ZNF197: variants seen among roughly 807,000 people sequenced by gnomAD.
ZNF197 encodes VHL-associated KRAB-A domain-containing protein.
A neutral mutation model predicts 27.4 loss-of-function variants in ZNF197; 14 were observed. That is an observed-to-expected ratio of 0.51 (90% CI 0.34 to 0.80). The LOEUF (loss-of-function observed/expected upper bound fraction) is 0.80. Among genes scored for constraint, ZNF197 ranks in the 30% least tolerant of loss-of-function variants. The pLI, the probability that ZNF197 is intolerant of heterozygous loss-of-function variation, is 0.02. For synonymous variants in ZNF197, 415 were observed against 420.0 expected, an observed-to-expected ratio of 0.99 and a Z score of 0.15; for missense variants, 1,090 against 1,222.6, an observed-to-expected ratio of 0.89 and a Z score of 1.62.
At position 44,646,363 on chromosome 3, in the gene ZNF197, T is replaced by C; in HGVS notation, c.*2143T>C. The C allele has an allele frequency of 6.5e-7, 1 of 1,542,164 alleles. No homozygotes were observed. The highest frequency in any genetic ancestry group is 8.7e-7 in the Non-Finnish European group (1 of 1,145,046). On this transcript the variant is annotated 3_prime_UTR_variant, in exon 6 of 6. Transcript: ENST00000344387. ...ATGGAGAATGCTGTGATTTACCTCT[T>C]CACCGAGTAACAAAATGTCACATTG...
Position 44,642,402 on chromosome 3 carries a change from A to AC in ZNF197, c.1274dup (p.Tyr426LeufsTer2). 1 of 1,614,106 alleles carries AC rather than the reference A, an allele frequency of 6.2e-7. No homozygotes were observed. Among genetic ancestry groups the AC allele is most frequent in the East Asian group, 2.2e-5 (1 of 44,872 alleles). ...ATTTACGGAACCATTCAGGGGAGAA[A>AC]CCTTATAAATGTAATGAATGTGGGA... On this transcript the variant is annotated frameshift_variant, in exon 6 of 6. Transcript: ENST00000344387. LOFTEE classifies it low-confidence loss of function (END_TRUNC).
rs149844336 is a variant in ZNF197 at position 44,645,456 on chromosome 3, C to G, written c.*1236C>G. Reference sequence around the variant, plus strand: ...CCTTTAAAAATATCTGAGGGAGTTACTAGATTATATATCTAGTTTATGTAT... The same window carrying G: ...CCTTTAAAAATATCTGAGGGAGTTAGTAGATTATATATCTAGTTTATGTAT... On this transcript the variant is annotated 3_prime_UTR_variant, in exon 6 of 6. Coordinates refer to ENST00000344387, the MANE Select transcript of ZNF197 (RefSeq NM_006991.5). 2.0e-6 allele frequency: 2 copies of G among 984,898 alleles called. No individual in the cohort carries two copies. Among genetic ancestry groups the G allele is most frequent in the Non-Finnish European group, 2.4e-6 (2 of 829,738 alleles). 61.0% of individuals were successfully genotyped at this position (984,898 alleles called of 1,614,324 possible).
chr3:44,630,978 G>T lies in ZNF197; in HGVS notation c.391-84G>T, dbSNP rs748023100. On this transcript the variant is annotated intron_variant, in intron 2 of 5. Transcript: ENST00000344387. ...CTCTCTGATCTCACAGTTGTAGATT[G>T]TGGGCAGAAAGAGGTCCACAGTGCT... The T allele has an allele frequency of 8.3e-6, 13 of 1,573,002 alleles. No individual in the cohort carries two copies. In the Admixed American group the frequency reaches 2.2e-4, roughly 26 times the overall value.
chr3:44,642,629 A>C lies in ZNF197; in HGVS notation c.1499A>C (p.His500Pro), dbSNP rs1434765114. 1.9e-6 allele frequency: 3 copies of C among 1,614,008 alleles called. No individual in the cohort carries two copies. Among genetic ancestry groups the C allele is most frequent in the Non-Finnish European group, 1.7e-6 (2 of 1,180,036 alleles). Residue 500 changes from histidine to proline, a missense_variant, in exon 6 of 6, where the codon CAT becomes CCT. By Grantham distance (77) the His-to-Pro change is moderately conservative (BLOSUM62 -2). Coordinates refer to ENST00000344387, the MANE Select transcript of ZNF197 (RefSeq NM_006991.5). ...VFSQNAYLID[H>P]QRLHKGEEPY... ...TCTCAGAATGCTTACCTCATTGACCATCAGAGGCTCCACAAAGGGGAAGAA... is the reference window on the plus strand; with the variant it reads ...TCTCAGAATGCTTACCTCATTGACCCTCAGAGGCTCCACAAAGGGGAAGAA...
chr3:44,628,297 A>G (rs1701785453), intron 1 of ZNF197, among the ~76,000 whole-genome samples: 1 of 152,232 alleles, frequency 6.6e-6, no homozygotes, highest in Admixed American at 6.5e-5. Flanking sequence ...ATTTCTAAAG[A>G]GCAGATGATT....
chr3:44,628,765 G>A (rs914799423), intron 1 of ZNF197, among the ~76,000 whole-genome samples: 7 of 152,200 alleles, frequency 4.6e-5, no homozygotes, highest in Non-Finnish European at 1.0e-4. Context: ...AGGTTACACA[G>A]GAGTAGTCAG....
chr3:44,643,158 T>C lies in ZNF197; in HGVS notation c.2028T>C (p.Asn676=), dbSNP rs368750140. 2 of 1,611,536 alleles carry C rather than the reference T, an allele frequency of 1.2e-6. No homozygotes were observed. The highest frequency in any genetic ancestry group is 2.7e-5 in the African/African-American group (2 of 74,404). Residue 676 remains asparagine, a synonymous_variant, in exon 6 of 6, where the codon AAT becomes AAC. Coordinates refer to ENST00000344387, the MANE Select transcript of ZNF197 (RefSeq NM_006991.5). ...ILHQRFHTGE[N]LYECKDCGKV... is the part of the protein sequence containing the mutation. ...ATCAAAGGTTCCACACTGGAGAGAA[T>C]CTCTATGAATGTAAAGATTGTGGTA...
intron 1 of ZNF197, among the ~76,000 whole-genome samples, chr3:44,627,861 A>T (rs566079223): frequency 6.6e-6 from 1 of 151,078 alleles, no homozygotes; most frequent in African/African-American, 2.4e-5. Flanking sequence ...ATTTCCTTTC[A>T]TGAATCCTTT....
intron 2 of ZNF197, among the ~76,000 whole-genome samples, chr3:44,630,446 T>G (rs755625215): frequency 6.6e-6 from 1 of 152,230 alleles, no homozygotes; most frequent in Non-Finnish European, 1.5e-5. Flanking sequence ...TAGAAACATT[T>G]CTGTATAAGA....
chr3:44,631,549 C>T (rs529954177), intron 3 of ZNF197, among the ~76,000 whole-genome samples: 21 of 148,936 alleles, frequency 1.4e-4, no homozygotes, highest in African/African-American at 5.0e-4. Flanking sequence ...TACAGGTGCC[C>T]GCCACTGTGC....
chr3:44,630,779 T>G (rs1279463735), intron 2 of ZNF197: 1 of 568,332 alleles, frequency 1.8e-6, no homozygotes, highest in Non-Finnish European at 3.3e-6. Context: ...AATTACTGCT[T>G]ATTACTTCCC....
At position 44,646,849 on chromosome 3, in the gene ZNF197, G is replaced by C. The variant is rs189238568; in HGVS notation, c.*2629G>C. 6.5e-5 allele frequency: 18 copies of C among 276,436 alleles called. No homozygotes were observed. The highest frequency in any genetic ancestry group is 1.2e-4 in the Non-Finnish European group (18 of 146,176). The allele number at this position is 276,436 out of a possible 1,614,324, so 17.1% of individuals were successfully genotyped here. A position where few individuals can be genotyped will look rare whatever the true frequency, so the allele number is the denominator to read the frequency against. On this transcript the variant is annotated 3_prime_UTR_variant, in exon 6 of 6. Transcript: ENST00000344387. ...GGGGCAAAAGCAATTCAATGGAGGA[G>C]GGATCGCCTTTTCAGCAAATACTGT...
chr3:44,643,620 C>G lies in ZNF197; in HGVS notation c.2490C>G (p.Arg830=). The stretch of plus-strand genomic sequence containing the variant: ...ACTGTGGGAAGGTCTTCAGTTACCG[C>G]TCAAACCTTATAGCCCATCAGAGGA... ...CNDCGKVFSY[R]SNLIAHQRIH... Residue 830 remains arginine (R), a synonymous_variant, in exon 6 of 6, where the codon CGC becomes CGG. Transcript: ENST00000344387. 1 of 1,614,156 alleles carries G rather than the reference C, an allele frequency of 6.2e-7. No homozygotes were observed. Among genetic ancestry groups the G allele is most frequent in the South Asian group, 1.1e-5 (1 of 91,086 alleles).
rs754200992 is a variant in ZNF197, at chr3:44,632,475, G to A, written c.645G>A (p.Glu215=). 88 of 1,586,780 alleles carry A rather than the reference G, an allele frequency of 5.5e-5. No individual in the cohort carries two copies. The highest frequency in any genetic ancestry group is 7.3e-5 in the Non-Finnish European group (85 of 1,170,174). The change falls in exon 5 of 6, where the codon GAG becomes GAA. Residue 215 remains glutamate (E), a splice_region_variant and synonymous_variant. Transcript: ENST00000344387. ...CTCACACACACTTGTTATTTCAGGA[G>A]TTGGTGATGTTCGAGGAGGTGTCAG... ...ALMLLTAQPQ[E]LVMFEEVSVC...
Position 44,642,712 on chromosome 3 carries a change from C to A in ZNF197, c.1582C>A (p.His528Asn), listed in dbSNP as rs371807530. Residue 528 changes from histidine (H) to asparagine (N), a missense_variant, in exon 6 of 6, where the codon CAC (histidine) becomes AAC (asparagine). Physicochemically the swap from His to Asn is moderately conservative, Grantham distance 68 (BLOSUM62 1). Coordinates refer to ENST00000344387, the MANE Select transcript of ZNF197 (RefSeq NM_006991.5). ...AFILKKSLIL[H>N]QRIHSGEKPY... is the part of the protein sequence containing the mutation. ...CATTCTGAAGAAGAGCCTCATTCTG[C>A]ACCAGAGAATCCACTCTGGGGAAAA... 13 of 1,613,856 alleles carry A rather than the reference C, an allele frequency of 8.1e-6. No individual in the cohort carries two copies. Among genetic ancestry groups the A allele is most frequent in the Non-Finnish European group, 1.1e-5 (13 of 1,180,004 alleles).
chr3:44,643,788 T>C lies in ZNF197; in HGVS notation c.2658T>C (p.Ser886=). 1 of 1,613,942 alleles carries C rather than the reference T, an allele frequency of 6.2e-7. No individual in the cohort carries two copies. Among genetic ancestry groups the C allele is most frequent in the Non-Finnish European group, 8.5e-7 (1 of 1,180,020 alleles). ...TATGTAGGAAAGTCCTTACCTCTAG[T>C]AGAAATCTTATGGTACATCAAAGAA... is the stretch of plus-strand genomic sequence containing the variant. ...CHVCRKVLTS[S]RNLMVHQRIH... Residue 886 remains serine (S), a synonymous_variant, in exon 6 of 6, where the codon AGT becomes AGC. Transcript: ENST00000344387.
chr3:44,639,740 AAAG>A (rs914098017), intron 5 of ZNF197, among the ~76,000 whole-genome samples: 14 of 152,032 alleles, frequency 9.2e-5, no homozygotes, highest in African/African-American at 3.1e-4. Context: ...AGTGAGTTGG[AAAG>A]AAGAAGAGCA....
chr3:44,646,294 T>TC lies in ZNF197; in HGVS notation c.*2077dup. 1.0e-6 allele frequency: 1 copy of TC among 985,426 alleles called. No individual in the cohort carries two copies. The highest frequency in any genetic ancestry group is 1.2e-6 in the Non-Finnish European group (1 of 829,922). 61.0% of individuals were successfully genotyped at this position (985,426 alleles called of 1,614,324 possible). A position where few individuals can be genotyped will look rare whatever the true frequency, so the allele number is the denominator to read the frequency against. On this transcript the variant is annotated 3_prime_UTR_variant, in exon 6 of 6. Transcript: ENST00000344387. ...ATGTTTCATCCAGGTTGTTGAATCA[T>TC]CCCAGCTTATATAATAATTACAAAG... is the stretch of plus-strand genomic sequence containing the variant.
Position 44,643,753 on chromosome 3 carries a change from G to A in ZNF197, c.2623G>A (p.Glu875Lys), listed in dbSNP as rs61751651. 1.5e-5 allele frequency: 24 copies of A among 1,613,848 alleles called. No individual in the cohort carries two copies. The highest frequency in any genetic ancestry group is 1.5e-4 in the African/African-American group (11 of 74,910). ...AATTCACAGTGGAGAAAAAACCTAC[G>A]AATGTCATGTATGTAGGAAAGTCCT... ...QRIHSGEKTY[E>K]CHVCRKVLTS... Residue 875 changes from glutamate to lysine, a missense_variant, in exon 6 of 6, where the codon GAA becomes AAA. Physicochemically the swap from Glu to Lys is moderately conservative, Grantham distance 56. Coordinates refer to ENST00000344387, the MANE Select transcript of ZNF197 (RefSeq NM_006991.5).
Sources: gnomAD v4.1 joint callset for allele counts (sites outside exome capture counted in the v4.1 genomes callset) on GRCh38, gnomAD v4.1.1 for gene constraint, MANE v1.5 for transcripts, NCBI Gene and HGNC (gene_info 2026-07-23, HGNC 2026-07-21) for gene names.